Variants in SOST observed in about 807,000 individuals in gnomAD.
SOST encodes the protein sclerosteosis.
Under a neutral mutation model 16.7 loss-of-function variants are expected in SOST, and 14 were observed. That is an observed-to-expected ratio of 0.84 (90% confidence interval 0.55 to 1.31). SOST has a LOEUF of 1.31. Ranked by LOEUF, SOST falls within the 50% of genes most tolerant of loss-of-function variation. The pLI is 0.00. For synonymous variants in SOST, 150 were observed against 140.9 expected (o/e 1.06, Z -0.46); for missense variants, 291 against 310.7 (o/e 0.94, Z 0.48).
rs774883248 is a variant in SOST, at chr17:43,755,387, G to T, written c.597C>A (p.Ala199=). The part of the protein sequence containing the change: ...PQKGRKPRPR[A]RSAKANQAEL... The stretch of plus-strand genomic sequence containing the variant: ...CGGCCTGGTTGGCTTTGGCGCTCCG[G>T]GCGCGGGGCCGCGGCTTCCGGCCCT... Residue 199 remains alanine, a synonymous_variant, in exon 2 of 2, where the codon GCC becomes GCA. Transcript: ENST00000301691. The surrounding 1 kb of genome is among the most constrained non-coding windows in gnomAD (Gnocchi z 4.3). 4 of 1,588,916 alleles carry T rather than the reference G, an allele frequency of 2.5e-6. No individual in the cohort carries two copies. In the African/African-American group the frequency reaches 5.5e-5, roughly 22 times the overall value.
rs1396185659 is a variant in SOST at position 43,755,639 on chromosome 17, C to A, written c.345G>T (p.Leu115=). ...ACTTGCCGCGGCCGATGGCGTTGGG[C>A]AGCAGGCGCGCCGGGCCGCACTGGC... is the stretch of plus-strand genomic sequence containing the variant. ...CSGQCGPARL[L]PNAIGRGKWW... Residue 115 remains leucine (L), a synonymous_variant, in exon 2 of 2, where the codon CTG becomes CTT. Transcript: ENST00000301691. This position sits in a 1 kb window ranked among gnomAD's most constrained non-coding sequence, Gnocchi z 4.3. The A allele has an allele frequency of 6.3e-7, 1 of 1,575,748 alleles. No homozygotes were observed. Among genetic ancestry groups the A allele is most frequent in the East Asian group, 2.3e-5 (1 of 43,174 alleles).
rs1428486731 is a variant in SOST, at chr17:43,758,752, A to G, written c.-11T>C. On this transcript the variant is annotated 5_prime_UTR_variant, in exon 1 of 2. Transcript: ENST00000301691. ...CAGTGGGAGCTGCATGGTACCAGCC[A>G]GAGGAGGGCACGCCACCTTCCAGTA... 5 of 1,609,606 alleles carry G rather than the reference A, an allele frequency of 3.1e-6. No homozygotes were observed. The highest frequency in any genetic ancestry group is 1.1e-5 in the South Asian group (1 of 90,976).
intron 1 of SOST, among the ~76,000 whole-genome samples, chr17:43,756,100 G>A (rs907678159): frequency 6.6e-6 from 1 of 152,198 alleles, no homozygotes; most frequent in South Asian, 2.1e-4. Flanking sequence ...CATTACACAC[G>A]CAATGCAGAA....
Position 43,758,766 on chromosome 17 carries a change from C to T in SOST, c.-25G>A, listed in dbSNP as rs771224470. 6.3e-7 allele frequency: 1 copy of T among 1,587,446 alleles called. No individual in the cohort carries two copies. Among genetic ancestry groups the T allele is most frequent in the South Asian group, 1.1e-5 (1 of 90,514 alleles). On this transcript the variant is annotated 5_prime_UTR_variant, in exon 1 of 2. Transcript: ENST00000301691. ...TGGTACCAGCCAGAGGAGGGCACGCCACCTTCCAGTAGCACAGGCTCTGGT... is the reference window on the plus strand; with the variant it reads ...TGGTACCAGCCAGAGGAGGGCACGCTACCTTCCAGTAGCACAGGCTCTGGT...
At chr17:43,756,150 A>T (rs1974128667) in intron 1 of SOST, among the ~76,000 whole-genome samples, 1 of 152,158 alleles carries the variant, frequency 6.6e-6, no homozygotes. Flanking sequence ...GTCGGCTGTT[A>T]TGTATTATTA....
Position 43,755,869 on chromosome 17 carries a change from A to G in SOST, c.221-106T>C. Reference sequence around the variant, plus strand: ...CCCTGCTTTTGCCAAGCCTGTCTCCAGAGGCTTTTGCCCCTGAACATCTAT... The same window carrying G: ...CCCTGCTTTTGCCAAGCCTGTCTCCGGAGGCTTTTGCCCCTGAACATCTAT... On this transcript the variant is annotated intron_variant, in intron 1 of 1. Coordinates refer to ENST00000301691, the MANE Select transcript of SOST (RefSeq NM_025237.3). This position sits in a 1 kb window ranked among gnomAD's most constrained non-coding sequence, Gnocchi z 4.3. The G allele has an allele frequency of 2.2e-6, 3 of 1,342,006 alleles. No homozygotes were observed. The highest frequency in any genetic ancestry group is 3.0e-6 in the Non-Finnish European group (3 of 990,664). 83.1% of individuals were successfully genotyped at this position (1,342,006 alleles called of 1,614,324 possible).
At position 43,755,838 on chromosome 17, in the gene SOST, C is replaced by T. The variant is rs1455975854; in HGVS notation, c.221-75G>A. On this transcript the variant is annotated intron_variant, in intron 1 of 1. Transcript: ENST00000301691. This position sits in a 1 kb window ranked among gnomAD's most constrained non-coding sequence, Gnocchi z 4.3. ...CCCTGGACCGGCCCGTCTCTCTCCA[C>T]CCCAGCCCTGCTTTTGCCAAGCCTG... The T allele has an allele frequency of 6.7e-7, 1 of 1,487,648 alleles. No individual in the cohort carries two copies. Among genetic ancestry groups the T allele is most frequent in the Non-Finnish European group, 9.0e-7 (1 of 1,113,440 alleles). The allele number at this position is 1,487,648 out of a possible 1,614,324, so 92.2% of individuals were successfully genotyped here. A position where few individuals can be genotyped will look rare whatever the true frequency, so the allele number is the denominator to read the frequency against.
chr17:43,756,143 G>A (rs545715854), intron 1 of SOST, among the ~76,000 whole-genome samples: 7 of 152,304 alleles, frequency 4.6e-5, no homozygotes, highest in Non-Finnish European at 8.8e-5. Context: ...TGAAAGCGTC[G>A]GCTGTTATGT....
At position 43,754,357 on chromosome 17, in the gene SOST, A is replaced by C; in HGVS notation, c.*985T>G. Reference sequence around the variant, plus strand: ...TTAAAACATGGCTATGGGTCGGGGGAGGGATGCTGCTCTTTGGGAAGTTGG... The same window carrying C: ...TTAAAACATGGCTATGGGTCGGGGGCGGGATGCTGCTCTTTGGGAAGTTGG... On this transcript the variant is annotated 3_prime_UTR_variant, in exon 2 of 2. Transcript: ENST00000301691. 1 of 138,322 alleles carries C rather than the reference A, an allele frequency of 7.2e-6. No individual in the cohort carries two copies. 8.6% of individuals were successfully genotyped at this position (138,322 alleles called of 1,614,324 possible). A position where few individuals can be genotyped will look rare whatever the true frequency, so the allele number is the denominator to read the frequency against.
At chr17:43,756,258 C>T (rs1974129781) in intron 1 of SOST, among the ~76,000 whole-genome samples, 1 of 152,160 alleles carries the variant, frequency 6.6e-6, no homozygotes, top group South Asian at 2.1e-4. Context: ...CACCTTCTGC[C>T]TGGCTCTGGC....
chr17:43,755,845 C>T lies in SOST; in HGVS notation c.221-82G>A. The T allele has an allele frequency of 6.8e-6, 10 of 1,465,026 alleles. No individual in the cohort carries two copies. Among genetic ancestry groups the T allele is most frequent in the Non-Finnish European group, 9.1e-6 (10 of 1,094,724 alleles). 90.8% of individuals were successfully genotyped at this position (1,465,026 alleles called of 1,614,324 possible). A position where few individuals can be genotyped will look rare whatever the true frequency, so the allele number is the denominator to read the frequency against. On this transcript the variant is annotated intron_variant, in intron 1 of 1. Transcript: ENST00000301691. This position sits in a 1 kb window ranked among gnomAD's most constrained non-coding sequence, Gnocchi z 4.3. ...CCGGCCCGTCTCTCTCCACCCCAGC[C>T]CTGCTTTTGCCAAGCCTGTCTCCAG... is the stretch of plus-strand genomic sequence containing the variant.
In SOST at chr17:43,758,510, T is replaced by C. The variant is rs1221446924; in HGVS notation, c.220+12A>G. The C allele has an allele frequency of 6.2e-7, 1 of 1,603,320 alleles. No individual in the cohort carries two copies. The highest frequency in any genetic ancestry group is 1.1e-5 in the South Asian group (1 of 90,580). ...GGATCTTTTACTAAGAATTCTCTCC[T>C]CCACCCCATACCTTTGGTCTCAAAG... On this transcript the variant is annotated intron_variant, in intron 1 of 1. Transcript: ENST00000301691.
Position 43,753,960 on chromosome 17 carries a change from A to C in SOST, c.*1382T>G, listed in dbSNP as rs544796683. ...TTGCCAAAAAAACGACCAGTCCTGC[A>C]GGCTTTCATATGTCATGTGCTTCTG... On this transcript the variant is annotated 3_prime_UTR_variant, in exon 2 of 2. Transcript: ENST00000301691. 2 of 152,766 alleles carry C rather than the reference A, an allele frequency of 1.3e-5. No individual in the cohort carries two copies. The highest frequency in any genetic ancestry group is 4.1e-4 in the South Asian group (2 of 4,828). 9.5% of individuals were successfully genotyped at this position (152,766 alleles called of 1,614,324 possible). A position where few individuals can be genotyped will look rare whatever the true frequency, so the allele number is the denominator to read the frequency against.
At position 43,755,086 on chromosome 17, in the gene SOST, G is replaced by C; in HGVS notation, c.*256C>G. The stretch of plus-strand genomic sequence containing the variant: ...GGACCAGCAAAGGTAGGCGGCCCCA[G>C]AGGCGGGGCTGCGTGGCTCAGTGTC... On this transcript the variant is annotated 3_prime_UTR_variant, in exon 2 of 2. Transcript: ENST00000301691. This position sits in a 1 kb window ranked among gnomAD's most constrained non-coding sequence, Gnocchi z 4.3. The C allele has an allele frequency of 2.2e-6, 1 of 464,902 alleles. No homozygotes were observed. Among genetic ancestry groups the C allele is most frequent in the Non-Finnish European group, 3.7e-6 (1 of 267,272 alleles). The allele number at this position is 464,902 out of a possible 1,614,324, so 28.8% of individuals were successfully genotyped here. A position where few individuals can be genotyped will look rare whatever the true frequency, so the allele number is the denominator to read the frequency against.
chr17:43,756,192 T>C (rs895238386), intron 1 of SOST, among the ~76,000 whole-genome samples: 2 of 152,200 alleles, frequency 1.3e-5, no homozygotes, highest in Admixed American at 1.3e-4. Context: ...CTTCTTATGA[T>C]TTAAGCCACA....
chr17:43,756,567 G>A (rs531459585), intron 1 of SOST, among the ~76,000 whole-genome samples: 1 of 152,298 alleles, frequency 6.6e-6, no homozygotes, highest in Admixed American at 6.5e-5. Flanking sequence ...TCCGGCAAGA[G>A]TGGAGGCTCT....
rs59613373 is a variant in SOST, at chr17:43,758,384, C to G, written c.220+138G>C. On this transcript the variant is annotated intron_variant, in intron 1 of 1. Coordinates refer to ENST00000301691, the MANE Select transcript of SOST (RefSeq NM_025237.3). ...GAGCCATTCTTCCCCCACCTCCAGG[C>G]AAGACTGTTCCTCGACCAGTGCTGG... 0.014 allele frequency: 9,961 copies of G among 719,720 alleles called. 658 individuals carry two copies. The African/African-American group carries it at 0.15, about 11-fold the overall frequency. The allele number at this position is 719,720 out of a possible 1,614,324, so 44.6% of individuals were successfully genotyped here.
At position 43,755,731 on chromosome 17, in the gene SOST, A is replaced by G. The variant is rs921804354; in HGVS notation, c.253T>C (p.Phe85Leu). 6.3e-7 allele frequency: 1 copy of G among 1,580,106 alleles called. No homozygotes were observed. Among genetic ancestry groups the G allele is most frequent in the Non-Finnish European group, 8.5e-7 (1 of 1,171,554 alleles). ...VSEYSCRELH[F>L]TRYVTDGPCR... ...GGCCCATCGGTCACGTAGCGGGTGA[A>G]GTGCAGCTCGCGGCAGCTGTACTCG... Residue 85 changes from phenylalanine to leucine, a missense_variant, in exon 2 of 2, where the codon TTC becomes CTC. Phe to Leu is a conservative substitution (Grantham distance 22). Transcript: ENST00000301691. This position sits in a 1 kb window ranked among gnomAD's most constrained non-coding sequence, Gnocchi z 4.3.
rs73987076 is a variant in SOST at position 43,757,652 on chromosome 17, G to C, written c.220+870C>G. Among the ~76,000 whole-genome samples, 617 of 152,252 alleles carry C rather than the reference G, an allele frequency of 4.1e-3. 2 individuals are homozygous for C. The highest frequency in any genetic ancestry group is 0.014 in the African/African-American group (579 of 41,534). ...TGTGCAGGCCTGACCAGGAACCCAG[G>C]GTTCCTCTTCCTTCTCCCTCCCCTG... is the stretch of plus-strand genomic sequence containing the variant. On this transcript the variant is annotated intron_variant, in intron 1 of 1. Coordinates refer to ENST00000301691, the MANE Select transcript of SOST (RefSeq NM_025237.3).
Sources: allele counts gnomAD v4.1 joint callset (sites outside exome capture counted in the v4.1 genomes callset), GRCh38; gene constraint gnomAD v4.1.1; non-coding constraint Gnocchi (gnomAD v3.1); transcripts MANE v1.5; gene names NCBI Gene and HGNC (gene_info 2026-07-23, HGNC 2026-07-21).